The following LONP2 variants were observed in gnomAD, a reference collection of about 807,000 sequenced individuals.
LONP2 encodes the protein lon protease homolog 2, peroxisomal.
Under a neutral mutation model 85.6 loss-of-function variants are expected in LONP2, and 60 were observed. The observed-to-expected ratio is 0.70, with a 90% confidence interval of 0.57 to 0.87. The LOEUF (loss-of-function observed/expected upper bound fraction) is 0.87. Ranked by LOEUF, LONP2 falls within the 40% of genes least tolerant of loss-of-function variation. The pLI, the probability that LONP2 is intolerant of heterozygous loss-of-function variation, is 0.00. For synonymous variants in LONP2, 395 were observed against 389.7 expected (o/e 1.01, Z -0.16); for missense variants, 860 against 1,063.5 (o/e 0.81, Z 2.66).
At chr16:48,265,554 G>A (rs765342440) in intron 6 of LONP2, among the ~76,000 whole-genome samples, 1 of 151,888 alleles carries the variant, frequency 6.6e-6, no homozygotes, top group Non-Finnish European at 1.5e-5. Context: ...TTTATTTCTG[G>A]GCCCTCTATT....
chr16:48,272,523 T>C (rs181623901), intron 7 of LONP2, among the ~76,000 whole-genome samples: 29 of 152,296 alleles, frequency 1.9e-4, no homozygotes, highest in African/African-American at 6.3e-4. Flanking sequence ...CTGAAGAAAA[T>C]AAGAATTGAC....
chr16:48,320,709 C>T (rs887618006), intron 11 of LONP2, among the ~76,000 whole-genome samples: 1 of 152,062 alleles, frequency 6.6e-6, no homozygotes, highest in Non-Finnish European at 1.5e-5. Context: ...ATATTATTTT[C>T]TGAGTCTGAC....
intron 3 of LONP2, among the ~76,000 whole-genome samples, chr16:48,258,304 G>A (rs1372159093): frequency 4.7e-5 from 7 of 148,138 alleles, no homozygotes; most frequent in Admixed American, 4.1e-4. Context: ...CCAAGATCTC[G>A]CCACTGCACT....
intron 11 of LONP2, among the ~76,000 whole-genome samples, chr16:48,307,511 A>G (rs1394073281): frequency 6.6e-6 from 1 of 152,224 alleles, no homozygotes; most frequent in Non-Finnish European, 1.5e-5. Context: ...TTTTTCCTCA[A>G]AAATTATCCT....
At chr16:48,349,485 G>T (rs1052417260) in intron 14 of LONP2, among the ~76,000 whole-genome samples, 4 of 151,980 alleles carry the variant, frequency 2.6e-5, no homozygotes, top group Admixed American at 1.3e-4. Context: ...TTTTCTACTT[G>T]GTCCCCTCTC....
chr16:48,338,458 T>C (rs1376426409), intron 12 of LONP2, among the ~76,000 whole-genome samples: 1 of 152,172 alleles, frequency 6.6e-6, no homozygotes, highest in African/African-American at 2.4e-5. Context: ...ATTTGGGGAA[T>C]GAAGGAAACA....
chr16:48,272,013 C>T (rs1271559217), intron 7 of LONP2, among the ~76,000 whole-genome samples: 3 of 152,048 alleles, frequency 2.0e-5, no homozygotes, highest in East Asian at 1.9e-4. Context: ...AGAGTGAGTT[C>T]GTGGAATTAA....
At chr16:48,252,009 T>G (rs757495869) in intron 1 of LONP2, 122 bp from the exon 2 acceptor site, 2 of 699,716 alleles carry the variant, frequency 2.9e-6, no homozygotes, top group South Asian at 3.9e-5. Flanking sequence ...GAGAAAAAAT[T>G]TATTTACACT....
Position 48,252,373 on chromosome 16 carries a change from G to A in LONP2, c.468+8G>A. 3 of 1,535,622 alleles carry A rather than the reference G, an allele frequency of 2.0e-6. No individual in the cohort carries two copies. The highest frequency in any genetic ancestry group is 2.6e-6 in the Non-Finnish European group (3 of 1,139,090). On this transcript the variant is annotated splice_region_variant and intron_variant, in intron 2 of 14. Coordinates refer to ENST00000285737, the MANE Select transcript of LONP2 (RefSeq NM_031490.5). Reference sequence around the variant, plus strand: ...TACAAATATGCAGTACAAGTAAGTTGCTTTTATTTTTTCTTAAAACCCATT... The same window carrying A: ...TACAAATATGCAGTACAAGTAAGTTACTTTTATTTTTTCTTAAAACCCATT...
Position 48,356,341 on chromosome 16 carries a change from A to G in LONP2, c.*4539A>G, listed in dbSNP as rs899274224. The G allele has an allele frequency of 2.0e-5, 3 of 153,540 alleles. No individual in the cohort carries two copies. Among genetic ancestry groups the G allele is most frequent in the Non-Finnish European group, 2.9e-5 (2 of 68,946 alleles). 9.5% of individuals were successfully genotyped at this position (153,540 alleles called of 1,614,324 possible). A position where few individuals can be genotyped will look rare whatever the true frequency, so the allele number is the denominator to read the frequency against. On this transcript the variant is annotated 3_prime_UTR_variant, in exon 15 of 15. Coordinates refer to ENST00000285737, the MANE Select transcript of LONP2 (RefSeq NM_031490.5). The stretch of plus-strand genomic sequence containing the variant: ...GACTATTACTAAGGGACATTTTGCT[A>G]CAAAGAATGTTAGTTTTGCCAATTC...
At chr16:48,335,059 C>T (rs1183434868) in intron 12 of LONP2, among the ~76,000 whole-genome samples, 1 of 152,148 alleles carries the variant, frequency 6.6e-6, no homozygotes, top group African/African-American at 2.4e-5. Context: ...AGCCAGAGAT[C>T]CCAGCCATAT....
At chr16:48,300,881 A>G (rs1316549227) in intron 10 of LONP2, among the ~76,000 whole-genome samples, 9 of 152,212 alleles carry the variant, frequency 5.9e-5, no homozygotes, top group African/African-American at 1.9e-4. Context: ...CCCCATCTGT[A>G]AAATATGAGG....
intron 7 of LONP2, among the ~76,000 whole-genome samples, chr16:48,275,179 G>A (rs567713874): frequency 6.6e-6 from 1 of 152,012 alleles, no homozygotes; most frequent in East Asian, 1.9e-4. Flanking sequence ...TGTGTGCTTT[G>A]CCTGTGTTCT....
intron 11 of LONP2, among the ~76,000 whole-genome samples, chr16:48,307,375 C>CT (rs1318094313): frequency 2.0e-5 from 3 of 152,088 alleles, no homozygotes; most frequent in Admixed American, 6.5e-5. Context: ...TTTTGCCTGC[C>CT]TTTTGCCAAG....
At chr16:48,333,336 A>T (rs1959526089) in intron 11 of LONP2, among the ~76,000 whole-genome samples, 1 of 152,226 alleles carries the variant, frequency 6.6e-6, no homozygotes. Flanking sequence ...GGTAAAGGAG[A>T]TGGCCCATTA....
Position 48,296,040 on chromosome 16 carries a change from A to G in LONP2, c.1409A>G (p.Asn470Ser), listed in dbSNP as rs200499464. The change falls in exon 9 of 15, where the codon AAC (asparagine) becomes AGC (serine). Residue 470 changes from asparagine (N) to serine (S), a missense_variant. Asn to Ser is a conservative substitution (Grantham distance 46). Coordinates refer to ENST00000285737, the MANE Select transcript of LONP2 (RefSeq NM_031490.5). Reference sequence around the variant, plus strand: ...GTGTTGGATCCTGAACAAAACCATAACTTCACAGATCATTATCTAAATGTG... The same window carrying G: ...GTGTTGGATCCTGAACAAAACCATAGCTTCACAGATCATTATCTAAATGTG... ...LEVLDPEQNH[N>S]FTDHYLNVAF... 2 of 1,614,182 alleles carry G rather than the reference A, an allele frequency of 1.2e-6. No homozygotes were observed. The highest frequency in any genetic ancestry group is 1.7e-6 in the Non-Finnish European group (2 of 1,180,020).
chr16:48,273,195 A>G (rs1972141326), intron 7 of LONP2, among the ~76,000 whole-genome samples: 1 of 152,092 alleles, frequency 6.6e-6, no homozygotes, highest in Non-Finnish European at 1.5e-5. Context: ...CTGCTTTGTT[A>G]TTGTCCTTGC....
intron 12 of LONP2, among the ~76,000 whole-genome samples, chr16:48,340,654 G>A (rs1959783424): frequency 6.6e-6 from 1 of 152,060 alleles, no homozygotes; most frequent in African/African-American, 2.4e-5. Context: ...GTTCATTCTT[G>A]CATTCCTATA....
chr16:48,272,756 A>G (rs1433808625), intron 7 of LONP2, among the ~76,000 whole-genome samples: 3 of 152,170 alleles, frequency 2.0e-5, no homozygotes, highest in African/African-American at 7.2e-5. Context: ...ATTAACTACT[A>G]TAGCAACCTG....
Sources: allele counts gnomAD v4.1 joint callset (sites outside exome capture counted in the v4.1 genomes callset), GRCh38; gene constraint gnomAD v4.1.1; transcripts MANE v1.5; gene names NCBI Gene and HGNC (gene_info 2026-07-23, HGNC 2026-07-21).